The following TMEM178B variants were observed in gnomAD, a reference collection of about 807,000 sequenced individuals.
The protein encoded by TMEM178B is transmembrane protein 178B.
TMEM178B carries 5 observed loss-of-function variants against 31.0 expected under a neutral mutation model. The observed-to-expected ratio is 0.16, with a 90% CI of 0.08 to 0.34. The LOEUF (loss-of-function observed/expected upper bound fraction) is 0.34. Among genes scored for constraint, TMEM178B ranks in the 10% least tolerant of loss-of-function variants. The pLI, the probability that TMEM178B is intolerant of heterozygous loss-of-function variation, is 1.00. For synonymous variants in TMEM178B, 164 were observed against 164.0 expected (o/e 1.00, Z 0.00); for missense variants, 275 against 400.3 (o/e 0.69, Z 2.67).
At chr7:141,339,807 T>A (rs1799486624) in intron 2 of TMEM178B, among the ~76,000 whole-genome samples, 1 of 152,178 alleles carries the variant, frequency 6.6e-6, no homozygotes, top group Non-Finnish European at 1.5e-5. Flanking sequence ...CTGGAGGCAA[T>A]GGGCTCATGT....
At chr7:141,302,432 C>T (rs1019957941) in intron 2 of TMEM178B, among the ~76,000 whole-genome samples, 2 of 152,130 alleles carry the variant, frequency 1.3e-5, no homozygotes, top group African/African-American at 4.8e-5. Context: ...TGAGTAGTCA[C>T]TTATATAAGT....
the TMEM178B span, among the ~76,000 whole-genome samples, chr7:141,499,727 T>C: frequency 1.3e-5 from 2 of 152,204 alleles, no homozygotes; most frequent in Admixed American, 1.3e-4. Context: ...ATGTCTTCAC[T>C]GACAGCATCA....
chr7:141,234,421 G>C (rs983612025), intron 2 of TMEM178B, among the ~76,000 whole-genome samples: 2 of 152,274 alleles, frequency 1.3e-5, no homozygotes, highest in Admixed American at 1.3e-4. Flanking sequence ...ATCAAGTCAT[G>C]GAAATGAGGA....
At chr7:141,393,907 A>G (rs921782159) in intron 2 of TMEM178B, among the ~76,000 whole-genome samples, 2 of 152,164 alleles carry the variant, frequency 1.3e-5, no homozygotes, top group African/African-American at 4.8e-5. Context: ...ATTAGCCTAG[A>G]ATATTTCTTT....
At chr7:141,427,528 A>C (rs964779694) in intron 2 of TMEM178B, among the ~76,000 whole-genome samples, 1 of 152,206 alleles carries the variant, frequency 6.6e-6, no homozygotes, top group African/African-American at 2.4e-5. Context: ...TTAGAACCTT[A>C]TCTCTCACCG....
chr7:141,144,279 G>A (rs999886019), intron 1 of TMEM178B, among the ~76,000 whole-genome samples: 9 of 152,260 alleles, frequency 5.9e-5, no homozygotes, highest in Admixed American at 1.3e-4. Flanking sequence ...ATCAGAAAAG[G>A]TATCTGTGAA....
intron 2 of TMEM178B, among the ~76,000 whole-genome samples, chr7:141,336,945 T>TCACCACCACCACCATCACTAC: frequency 2.3e-5 from 1 of 43,594 alleles, no homozygotes; most frequent in Non-Finnish European, 4.7e-5. Flanking sequence ...ACCACCACCA[T>TCACCACCACCACCATCACTAC]CACCACCACC....
At chr7:141,285,997 C>T (rs899838525) in intron 2 of TMEM178B, among the ~76,000 whole-genome samples, 12 of 151,948 alleles carry the variant, frequency 7.9e-5, no homozygotes, top group African/African-American at 1.2e-4. Context: ...ATGTAGATGA[C>T]GGGTTGATGG....
At chr7:141,505,280 C>T in the TMEM178B span, among the ~76,000 whole-genome samples, 46 of 152,356 alleles carry the variant, frequency 3.0e-4, no homozygotes, top group African/African-American at 9.9e-4. Flanking sequence ...CCACCACTGT[C>T]GGGCTGTAAG....
chr7:141,496,709 AAAG>A, the TMEM178B span, among the ~76,000 whole-genome samples: 1 of 151,340 alleles, frequency 6.6e-6, no homozygotes, highest in African/African-American at 2.4e-5. Flanking sequence ...GTAGAAGGGA[AAAG>A]AAGACATGAC....
In TMEM178B at chr7:141,081,246, A is replaced by ATG. The variant is rs551158548; in HGVS notation, c.382+6570_382+6571dup. ...CCCAACCCTCTGCAGGCTTAGGCTA[A>ATG]TGTGTGTGTGTGTGTGTCTTAGTTT... On this transcript the variant is annotated intron_variant, in intron 1 of 3. Transcript: ENST00000565468. Among the ~76,000 whole-genome samples, 521 of 151,582 alleles carry ATG rather than the reference A, an allele frequency of 3.4e-3. 5 individuals carry two copies. The highest frequency in any genetic ancestry group is 0.011 in the East Asian group (55 of 5,160).
At chr7:141,312,927 A>T (rs981449) in intron 2 of TMEM178B, among the ~76,000 whole-genome samples, 96,560 of 152,032 alleles carry the variant, frequency 0.64, 30,876 homozygotes, top group East Asian at 0.79. Context: ...TAAGCACCTT[A>T]AAGTTTTAAA....
intron 1 of TMEM178B, among the ~76,000 whole-genome samples, chr7:141,167,562 T>C (rs1412161634): frequency 6.6e-6 from 1 of 152,254 alleles, no homozygotes; most frequent in Non-Finnish European, 1.5e-5. Flanking sequence ...TCTATGTCAC[T>C]GACATCCCTC....
chr7:141,193,296 A>G (rs1055331112), intron 1 of TMEM178B, among the ~76,000 whole-genome samples: 6 of 152,202 alleles, frequency 3.9e-5, no homozygotes, highest in African/African-American at 1.4e-4. Context: ...GCAAAACTAG[A>G]TAAGAGACAG....
intron 2 of TMEM178B, among the ~76,000 whole-genome samples, chr7:141,239,714 T>C (rs142376986): frequency 6.6e-6 from 1 of 152,282 alleles, no homozygotes; most frequent in East Asian, 1.9e-4. Flanking sequence ...GGCTCATCCA[T>C]GGTGGTTTCC....
intron 2 of TMEM178B, among the ~76,000 whole-genome samples, chr7:141,364,686 G>C (rs1453037747): frequency 1.8e-5 from 2 of 113,106 alleles, no homozygotes; most frequent in South Asian, 5.9e-4. Flanking sequence ...AAAAAAAAAA[G>C]TTGGGCCAGG....
At chr7:141,122,409 G>C (rs893967518) in intron 1 of TMEM178B, among the ~76,000 whole-genome samples, 1 of 152,208 alleles carries the variant, frequency 6.6e-6, no homozygotes, top group African/African-American at 2.4e-5. Flanking sequence ...AATTATTGTA[G>C]CATCTTTTTC....
intron 1 of TMEM178B, among the ~76,000 whole-genome samples, chr7:141,176,775 T>G (rs528828514): frequency 6.6e-6 from 1 of 152,336 alleles, no homozygotes; most frequent in Non-Finnish European, 1.5e-5. Context: ...CCAGTGGTAG[T>G]TTGTATTTCT....
chr7:141,176,244 A>T (rs1586810316), intron 1 of TMEM178B, among the ~76,000 whole-genome samples: 1 of 152,162 alleles, frequency 6.6e-6, no homozygotes. Context: ...GGTTCTGTTT[A>T]TGTGATGGAT....
Sources: gnomAD v4.1 joint callset for allele counts (sites outside exome capture counted in the v4.1 genomes callset) on GRCh38, gnomAD v4.1.1 for gene constraint, MANE v1.5 for transcripts, NCBI Gene and HGNC (gene_info 2026-07-23, HGNC 2026-07-21) for gene names.